Variants in MEP1A observed in about 807,000 individuals in gnomAD.
The protein encoded by MEP1A is meprin A subunit alpha.
MEP1A carries 68 observed loss-of-function variants against 84.5 expected under a neutral mutation model. The ratio of observed to expected loss-of-function variants is 0.80; its 90% CI spans 0.66 to 0.98. The LOEUF (loss-of-function observed/expected upper bound fraction) is 0.98. MEP1A is among the 50% of genes least tolerant of loss of function. MEP1A has a pLI of 0.00. For missense variants in MEP1A, 887 were observed against 919.9 expected, an observed-to-expected ratio of 0.96 and a Z score of 0.46; for synonymous variants, 337 against 336.8, an observed-to-expected ratio of 1.00 and a Z score of -0.01.
chr6:46,797,992 G>C (rs1251479455), intron 3 of MEP1A, among the ~76,000 whole-genome samples: 1 of 146,648 alleles, frequency 6.8e-6, no homozygotes, highest in Non-Finnish European at 1.5e-5. Context: ...TTGTGAGACA[G>C]AGTCTGGCTC....
Position 46,798,472 on chromosome 6 carries a change from T to C in MEP1A, c.146-134T>C, listed in dbSNP as rs978005127. 5.5e-6 allele frequency: 4 copies of C among 723,774 alleles called. No homozygotes were observed. In the Admixed American group the frequency reaches 8.9e-5, roughly 16 times the overall value. The allele number at this position is 723,774 out of a possible 1,614,324, so 44.8% of individuals were successfully genotyped here. On this transcript the variant is annotated intron_variant, in intron 3 of 13. Coordinates refer to ENST00000230588, the MANE Select transcript of MEP1A (RefSeq NM_005588.3). ...ATTTGCTTAACTGGAATTTTTGCATTGTTTCAAAAAGTTTTGCCACATAAA... is the reference window on the plus strand; with the variant it reads ...ATTTGCTTAACTGGAATTTTTGCATCGTTTCAAAAAGTTTTGCCACATAAA...
At chr6:46,817,926 G>A (rs1003865527) in intron 6 of MEP1A, among the ~76,000 whole-genome samples, 1 of 152,220 alleles carries the variant, frequency 6.6e-6, no homozygotes, top group African/African-American at 2.4e-5. Flanking sequence ...GCCCTTCAGG[G>A]CACTGGTCTC....
At chr6:46,794,978 A>G (rs1001720864) in intron 3 of MEP1A, among the ~76,000 whole-genome samples, 9 of 152,276 alleles carry the variant, frequency 5.9e-5, no homozygotes, top group African/African-American at 2.2e-4. Flanking sequence ...TTTTTAGGCC[A>G]TTTCAACCAA....
intron 5 of MEP1A, among the ~76,000 whole-genome samples, chr6:46,807,820 A>AAAGAAAGAAAGG (rs1767396629): frequency 6.7e-6 from 1 of 149,204 alleles, no homozygotes; most frequent in African/African-American, 2.5e-5. Context: ...AGAAAGAAAG[A>AAAGAAAGAAAGG]AAGAAAGAAA....
intron 13 of MEP1A, 54 bp from the exon 14 acceptor site, chr6:46,838,926 A>C (rs1768275268): frequency 6.7e-7 from 1 of 1,491,766 alleles, no homozygotes; most frequent in African/African-American, 1.4e-5. Context: ...TGTTGCTAGG[A>C]GGCACCTGAG....
At position 46,839,697 on chromosome 6, in the gene MEP1A, G is replaced by A. The variant is rs1215787513; in HGVS notation, c.*561G>A. 1 of 152,064 alleles carries A rather than the reference G, an allele frequency of 6.6e-6. No homozygotes were observed. The highest frequency in any genetic ancestry group is 1.5e-5 in the Non-Finnish European group (1 of 68,028). 9.4% of individuals were successfully genotyped at this position (152,064 alleles called of 1,614,324 possible). A position where few individuals can be genotyped will look rare whatever the true frequency, so the allele number is the denominator to read the frequency against. Reference sequence around the variant, plus strand: ...AGATTTCAAATAAAGGTACTTCTGGGCAGCCAGGCTGCACAGCATTTGCTT... The same window carrying A: ...AGATTTCAAATAAAGGTACTTCTGGACAGCCAGGCTGCACAGCATTTGCTT... On this transcript the variant is annotated 3_prime_UTR_variant, in exon 14 of 14. Coordinates refer to ENST00000230588, the MANE Select transcript of MEP1A (RefSeq NM_005588.3).
At chr6:46,841,634 T>C (rs1297744450), downstream of MEP1A, among the ~76,000 whole-genome samples, 4 of 152,206 alleles carry the variant, frequency 2.6e-5, no homozygotes, top group Admixed American at 1.3e-4. Flanking sequence ...GAATAAGTCA[T>C]AGTGGCTTGA....
intron 5 of MEP1A, among the ~76,000 whole-genome samples, chr6:46,807,764 G>GGA (rs1767381562): frequency 2.1e-5 from 1 of 46,786 alleles, no homozygotes; most frequent in African/African-American, 1.3e-4. Flanking sequence ...GGAAGGAAGG[G>GGA]AGAAAGGAAA....
At chr6:46,836,643 T>C (rs1177575753) in intron 13 of MEP1A, among the ~76,000 whole-genome samples, 1 of 152,172 alleles carries the variant, frequency 6.6e-6, no homozygotes, top group Non-Finnish European at 1.5e-5. Flanking sequence ...CCCACTAATG[T>C]TCTTTTTCTA....
intron 6 of MEP1A, among the ~76,000 whole-genome samples, chr6:46,816,030 G>C (rs374832069): frequency 8.6e-5 from 13 of 151,910 alleles, no homozygotes; most frequent in African/African-American, 3.1e-4. Flanking sequence ...TCCATCTCCC[G>C]GGCTCAAGCA....
At chr6:46,841,340 T>C (rs1768328090), downstream of MEP1A, among the ~76,000 whole-genome samples, 1 of 69,264 alleles carries the variant, frequency 1.4e-5, no homozygotes, top group Non-Finnish European at 3.2e-5. Flanking sequence ...AATGGAAACC[T>C]CTGTTGATTG....
chr6:46,797,919 CTTCCTTCCTTCT>C (rs1187791104), intron 3 of MEP1A, among the ~76,000 whole-genome samples: 9 of 26,704 alleles, frequency 3.4e-4, no homozygotes, highest in Non-Finnish European at 7.5e-4. Flanking sequence ...TCCTTCCTTC[CTTCCTTCCTTCT>C]TTCCTTCCTT....
chr6:46,799,795 A>G (rs1464607406), intron 5 of MEP1A, among the ~76,000 whole-genome samples: 1 of 152,202 alleles, frequency 6.6e-6, no homozygotes, highest in Non-Finnish European at 1.5e-5. Context: ...AGTAAATATT[A>G]GAAGCCACAT....
intron 6 of MEP1A, among the ~76,000 whole-genome samples, chr6:46,811,653 C>T (rs1211515514): frequency 2.6e-5 from 4 of 152,070 alleles, no homozygotes; most frequent in East Asian, 1.9e-4. Flanking sequence ...CCTTTCTGTG[C>T]CAATTTTGCT....
chr6:46,823,937 T>G (rs929355403), intron 7 of MEP1A, among the ~76,000 whole-genome samples: 23 of 152,202 alleles, frequency 1.5e-4, no homozygotes, highest in Non-Finnish European at 2.6e-4. Flanking sequence ...TAAGTTTTCT[T>G]CTTCCTATTT....
intron 5 of MEP1A, among the ~76,000 whole-genome samples, chr6:46,806,863 G>A (rs2150743159): frequency 6.6e-6 from 1 of 152,098 alleles, no homozygotes; most frequent in South Asian, 2.1e-4. Flanking sequence ...AGAAATTAGA[G>A]CGTGCCCTCA....
At position 46,835,338 on chromosome 6, in the gene MEP1A, G is replaced by T. The variant is rs756970107; in HGVS notation, c.1873G>T (p.Val625Phe). The T allele has an allele frequency of 1.9e-6, 3 of 1,609,832 alleles. No individual in the cohort carries two copies. The highest frequency in any genetic ancestry group is 1.7e-6 in the Non-Finnish European group (2 of 1,178,230). ...CATTCTCCAAGGCCAGGAGCAGCAG[G>T]TCTCCGAAGAAGGTTCGGGAAAGGC... ...GLILQGQEQQ[V>F]SEEGSGKAML... Residue 625 changes from valine (V) to phenylalanine (F), a missense_variant, in exon 13 of 14, where the codon GTC becomes TTC. Val to Phe is a conservative substitution (Grantham distance 50). Transcript: ENST00000230588.
At chr6:46,840,583 G>C (rs767743438), downstream of MEP1A, among the ~76,000 whole-genome samples, 1 of 152,166 alleles carries the variant, frequency 6.6e-6, no homozygotes, top group Non-Finnish European at 1.5e-5. Context: ...TGCAGGCTTG[G>C]ATTGCCCATC....
intron 3 of MEP1A, among the ~76,000 whole-genome samples, chr6:46,795,100 G>A (rs528239215): frequency 4.0e-4 from 61 of 152,212 alleles, no homozygotes; most frequent in African/African-American, 1.4e-3. Context: ...GCCTCACAAG[G>A]CTGAGTAAAC....
Sources: gnomAD v4.1 joint callset for allele counts (sites outside exome capture counted in the v4.1 genomes callset) on GRCh38, gnomAD v4.1.1 for gene constraint, MANE v1.5 for transcripts, NCBI Gene and HGNC (gene_info 2026-07-23, HGNC 2026-07-21) for gene names.